Variants in HESX1 observed in about 807,000 individuals in gnomAD.
HESX1 encodes the protein homeobox expressed in ES cells 1.
Under a neutral mutation model 22.5 loss-of-function variants are expected in HESX1, and 11 were observed. That is an observed-to-expected ratio of 0.49 (90% CI 0.31 to 0.81). HESX1 has a LOEUF of 0.81. Among genes scored for constraint, HESX1 ranks in the 30% least tolerant of loss-of-function variants. The pLI, the probability that HESX1 is intolerant of heterozygous loss-of-function variation, is 0.05. For missense variants in HESX1, 201 were observed against 212.6 expected, an observed-to-expected ratio of 0.95 and a Z score of 0.34; for synonymous variants, 74 against 76.5, an observed-to-expected ratio of 0.97 and a Z score of 0.17.
At chr3:57,227,138 G>A (rs925576550), upstream of HESX1, among the ~76,000 whole-genome samples, 1 of 152,118 alleles carries the variant, frequency 6.6e-6, no homozygotes, top group Non-Finnish European at 1.5e-5. Context: ...GACTGACCTC[G>A]GGAGGCCAGG....
Position 57,199,842 on chromosome 3 carries a change from A to G in HESX1, c.77T>C (p.Ile26Thr), listed in dbSNP as rs28936416. 1 of 1,614,002 alleles carries G rather than the reference A, an allele frequency of 6.2e-7. No homozygotes were observed. The highest frequency in any genetic ancestry group is 8.5e-7 in the Non-Finnish European group (1 of 1,179,982). ...PSTCSFSIER[I>T]LGLDQKKDCV... ...GTCTTTCTTCTGGTCCAGTCCTAAG[A>G]TTCTCTCAATTGAAAAGGAGCAAGT... Residue 26 changes from isoleucine (I) to threonine (T), a missense_variant, in exon 1 of 4, where the codon ATC becomes ACC. Transcript: ENST00000295934.
intron 1 of HESX1, among the ~76,000 whole-genome samples, chr3:57,214,884 A>G (rs2060575097): frequency 6.6e-6 from 1 of 152,206 alleles, no homozygotes; most frequent in South Asian, 2.1e-4. Flanking sequence ...GGTATCATTA[A>G]CTAAGAAGGG....
upstream of HESX1, among the ~76,000 whole-genome samples, chr3:57,204,025 C>T (rs1559498782): frequency 6.6e-6 from 1 of 152,128 alleles, no homozygotes; most frequent in African/African-American, 2.4e-5. Context: ...CAGCCTGAGC[C>T]CCAGAATGAA....
chr3:57,219,298 T>A (rs1029018007), intron 1 of HESX1, among the ~76,000 whole-genome samples: 1 of 152,182 alleles, frequency 6.6e-6, no homozygotes, highest in African/African-American at 2.4e-5. Flanking sequence ...TGATATTGGG[T>A]TATTTTTCAT....
chr3:57,201,034 C>T (rs539655284), upstream of HESX1, among the ~76,000 whole-genome samples: 6 of 152,300 alleles, frequency 3.9e-5, no homozygotes, highest in South Asian at 1.2e-3. Flanking sequence ...CTTCCAGTAC[C>T]TTCCTGAAGA....
At chr3:57,207,868 C>T (rs1054627615) in intron 1 of HESX1, among the ~76,000 whole-genome samples, 4 of 152,130 alleles carry the variant, frequency 2.6e-5, no homozygotes, top group Non-Finnish European at 5.9e-5. Context: ...GTCATGAGAG[C>T]GCCCTTTCCC....
Position 57,198,191 on chromosome 3 carries a change from T to C in HESX1, c.*6A>G. ...AGAAGATAATTTCACTTGTTTAGTT[T>C]TCTATCTATTCCAGCAGATTTGTGT... is the stretch of plus-strand genomic sequence containing the variant. On this transcript the variant is annotated 3_prime_UTR_variant, in exon 4 of 4. Coordinates refer to ENST00000295934, the MANE Select transcript of HESX1 (RefSeq NM_003865.3). The C allele has an allele frequency of 6.5e-7, 1 of 1,533,362 alleles. No individual in the cohort carries two copies. Among genetic ancestry groups the C allele is most frequent in the South Asian group, 1.1e-5 (1 of 89,336 alleles). The allele number at this position is 1,533,362 out of a possible 1,614,324, so 95.0% of individuals were successfully genotyped here.
intron 1 of HESX1, among the ~76,000 whole-genome samples, chr3:57,216,161 A>G (rs966683873): frequency 6.6e-6 from 1 of 152,236 alleles, no homozygotes; most frequent in African/African-American, 2.4e-5. Flanking sequence ...CTTCCTTCAC[A>G]GTAAAATAAT....
intron 1 of HESX1, among the ~76,000 whole-genome samples, chr3:57,223,815 A>G (rs1424272972): frequency 6.6e-6 from 1 of 152,168 alleles, no homozygotes; most frequent in Non-Finnish European, 1.5e-5. Flanking sequence ...TTTGCATTAT[A>G]CATTACACTC....
At chr3:57,204,021 G>C (rs2060505098), upstream of HESX1, among the ~76,000 whole-genome samples, 1 of 152,122 alleles carries the variant, frequency 6.6e-6, no homozygotes, top group Non-Finnish European at 1.5e-5. Context: ...CCTACAGCCT[G>C]AGCCCCAGAA....
chr3:57,199,393 C>T lies in HESX1; in HGVS notation c.157+369G>A, dbSNP rs181952720. ...TAACACTTTGGGAGGCTGAGGCAGG[C>T]GGATCACCTGAGGTCAGGAGTTCGA... On this transcript the variant is annotated intron_variant, in intron 1 of 3. Coordinates refer to ENST00000295934, the MANE Select transcript of HESX1 (RefSeq NM_003865.3). Among the ~76,000 whole-genome samples, 467 of 151,964 alleles carry T rather than the reference C, an allele frequency of 3.1e-3. 4 individuals carry two copies. Among genetic ancestry groups the T allele is most frequent in the South Asian group, 6.6e-3 (32 of 4,814 alleles).
At chr3:57,215,562 A>G (rs191720969) in intron 1 of HESX1, among the ~76,000 whole-genome samples, 1 of 114,240 alleles carries the variant, frequency 8.8e-6, no homozygotes, top group Admixed American at 1.0e-4. Context: ...TGAGGTCAGC[A>G]GTTCGACCAG....
At chr3:57,219,047 G>A (rs2060600086) in intron 1 of HESX1, among the ~76,000 whole-genome samples, 1 of 152,156 alleles carries the variant, frequency 6.6e-6, no homozygotes. Flanking sequence ...GTGTACAAGT[G>A]TTCCCTTTTC....
intron 1 of HESX1, among the ~76,000 whole-genome samples, chr3:57,208,886 G>A (rs891872520): frequency 7.2e-5 from 11 of 151,760 alleles, no homozygotes; most frequent in African/African-American, 2.7e-4. Flanking sequence ...GCTTGAACTG[G>A]GGAGGCGAAG....
At chr3:57,207,376 C>A (rs1324563984) in intron 1 of HESX1, among the ~76,000 whole-genome samples, 1 of 152,188 alleles carries the variant, frequency 6.6e-6, no homozygotes, top group Non-Finnish European at 1.5e-5. Flanking sequence ...TCAGGCCCAG[C>A]TATTAAAAGG....
chr3:57,201,855 A>ATATATCTATC (rs1553632827), upstream of HESX1, among the ~76,000 whole-genome samples: 7 of 142,862 alleles, frequency 4.9e-5, no homozygotes, highest in African/African-American at 1.5e-4. Flanking sequence ...TTGGATTTAC[A>ATATATCTATC]TATCTATATC....
chr3:57,198,155 G>T lies in HESX1; in HGVS notation c.*42C>A, dbSNP rs767435995. On this transcript the variant is annotated 3_prime_UTR_variant, in exon 4 of 4. Coordinates refer to ENST00000295934, the MANE Select transcript of HESX1 (RefSeq NM_003865.3). ...CTTAATATTTCCACTGATTCTTCATGCTCTGCAATTAGAAGATAATTTCAC... is the reference window on the plus strand; with the variant it reads ...CTTAATATTTCCACTGATTCTTCATTCTCTGCAATTAGAAGATAATTTCAC... 2 of 1,165,854 alleles carry T rather than the reference G, an allele frequency of 1.7e-6. No homozygotes were observed. Among genetic ancestry groups the T allele is most frequent in the South Asian group, 1.2e-5 (1 of 81,086 alleles). 72.2% of individuals were successfully genotyped at this position (1,165,854 alleles called of 1,614,324 possible). A position where few individuals can be genotyped will look rare whatever the true frequency, so the allele number is the denominator to read the frequency against.
intron 1 of HESX1, among the ~76,000 whole-genome samples, chr3:57,225,459 T>G (rs1343108412): frequency 6.6e-6 from 1 of 152,160 alleles, no homozygotes; most frequent in African/African-American, 2.4e-5. Flanking sequence ...TTCTCCTGCC[T>G]CAGCTTCCCA....
At chr3:57,211,227 A>G (rs1373458005) in intron 1 of HESX1, among the ~76,000 whole-genome samples, 3 of 151,632 alleles carry the variant, frequency 2.0e-5, no homozygotes, top group Non-Finnish European at 4.4e-5. Context: ...CAAAAAAAAA[A>G]AAAAAAAATC....
Sources: allele counts gnomAD v4.1 joint callset (sites outside exome capture counted in the v4.1 genomes callset), GRCh38; gene constraint gnomAD v4.1.1; transcripts MANE v1.5; gene names NCBI Gene and HGNC (gene_info 2026-07-23, HGNC 2026-07-21).